Variants in TRPV3 observed in about 807,000 individuals in gnomAD.
The protein encoded by TRPV3 is VRL-3.
A neutral mutation model predicts 87.1 loss-of-function variants in TRPV3; 88 were observed. The ratio of observed to expected loss-of-function variants is 1.01; its 90% CI spans 0.85 to 1.21. TRPV3 has a LOEUF of 1.21. TRPV3 is among the 50% of genes most tolerant of loss of function. The probability of loss-of-function intolerance (pLI) is 0.00; values close to 1 mark genes in which losing one functional copy is unlikely to be tolerated. For synonymous variants in TRPV3, 438 were observed against 423.3 expected (o/e 1.03, Z -0.43); for missense variants, 1,054 against 1,030.1 (o/e 1.02, Z -0.32).
At chr17:3,551,636 A>T (rs2150807721) in intron 2 of TRPV3, among the ~76,000 whole-genome samples, 1 of 152,068 alleles carries the variant, frequency 6.6e-6, no homozygotes, top group East Asian at 1.9e-4. Context: ...CTGCAAGGCC[A>T]GTGTCTCCAC....
chr17:3,524,129 T>G, intron 13 of TRPV3, 69 bp downstream of exon 13: 1 of 1,579,916 alleles, frequency 6.3e-7, no homozygotes, highest in Non-Finnish European at 8.6e-7. Flanking sequence ...CCTCTCCAGA[T>G]CTCAGTTTCC....
rs1471413948 is a variant in TRPV3 at position 3,528,473 on chromosome 17, A to C, written c.1402-347T>G. On this transcript the variant is annotated intron_variant, in intron 10 of 17. Transcript: ENST00000576742. This position sits in a 1 kb window ranked among gnomAD's most constrained non-coding sequence, Gnocchi z 4.2. ...CGAGGCTCTGTGCCCCACGTGACGC[A>C]TGGGAAACCGAAGCCCAGCAGGCAG... 6.6e-6 allele frequency among the ~76,000 whole-genome samples: 1 copy of C among 152,200 alleles called. No homozygotes were observed. The highest frequency in any genetic ancestry group is 1.9e-4 in the East Asian group (1 of 5,200).
At chr17:3,534,096 G>A (rs113209333) in intron 7 of TRPV3, among the ~76,000 whole-genome samples, 8,088 of 151,960 alleles carry the variant, frequency 0.053, 739 homozygotes, top group African/African-American at 0.18. Context: ...CCCTCTCCTC[G>A]CCCCACCCAA....
chr17:3,532,680 C>G lies in TRPV3; in HGVS notation c.1042G>C (p.Ala348Pro), dbSNP rs2074359386. The G allele has an allele frequency of 1.2e-6, 2 of 1,614,082 alleles. No individual in the cohort carries two copies. The highest frequency in any genetic ancestry group is 2.7e-5 in the African/African-American group (2 of 74,950). The change falls in exon 8 of 18, where the codon GCC becomes CCC. Residue 348 changes from alanine (A) to proline (P), a missense_variant. By Grantham distance (27) the Ala-to-Pro change is conservative. Transcript: ENST00000576742. ...ACCTCCGCCTTGCCCATCTTGGCGG[C>G]CAGCTGCAGCGGCGTGAGGCCATCG... ...NNDGLTPLQL[A>P]AKMGKAEILK... is the part of the protein sequence containing the mutation.
At chr17:3,542,868 G>A (rs1052500414) in intron 5 of TRPV3, among the ~76,000 whole-genome samples, 170 bp from the exon 6 acceptor site, 15 of 151,834 alleles carry the variant, frequency 9.9e-5, no homozygotes, top group African/African-American at 2.9e-4. Context: ...TTTCTCCTCC[G>A]TCTCCTATGC....
At position 3,557,245 on chromosome 17, in the gene TRPV3, A is replaced by C. The variant is rs2074641300; in HGVS notation, c.-3+431T>G. Among the ~76,000 whole-genome samples the C allele has an allele frequency of 6.6e-6, 1 of 152,056 alleles. No homozygotes were observed. The highest frequency in any genetic ancestry group is 1.5e-5 in the Non-Finnish European group (1 of 67,980). On this transcript the variant is annotated intron_variant, in intron 1 of 17. Coordinates refer to ENST00000576742, the MANE Select transcript of TRPV3 (RefSeq NM_145068.4). The surrounding 1 kb of genome is among the most constrained non-coding windows in gnomAD (Gnocchi z 4.5). ...GCCGCGGAGCCACAGCTGCTGACTCAGCACCTGTGAGATGCCTGGGCCCCG... is the reference window on the plus strand; with the variant it reads ...GCCGCGGAGCCACAGCTGCTGACTCCGCACCTGTGAGATGCCTGGGCCCCG...
At chr17:3,516,394 CCA>C in intron 16 of TRPV3, 61 bp downstream of exon 16, 2 of 1,268,598 alleles carry the variant, frequency 1.6e-6, no homozygotes, top group African/African-American at 1.5e-5. Flanking sequence ...CATCCTGTCA[CCA>C]TCCTGCCCCT....
chr17:3,549,776 C>T (rs1408197468), intron 2 of TRPV3, among the ~76,000 whole-genome samples: 13 of 133,210 alleles, frequency 9.8e-5, no homozygotes, highest in South Asian at 2.5e-4. Context: ...ATAGATGATG[C>T]GTAGATGAGT....
At position 3,530,446 on chromosome 17, in the gene TRPV3, C is replaced by G. The variant is rs531796902; in HGVS notation, c.1066-243G>C. Among the ~76,000 whole-genome samples, 15 of 152,082 alleles carry G rather than the reference C, an allele frequency of 9.9e-5. No individual in the cohort carries two copies. Among genetic ancestry groups the G allele is most frequent in the Middle Eastern group, 3.4e-3 (1 of 294 alleles). ...ACCAGGGACAAAGGGTGTGAAGGTTCTTCGCAGGCTGCAGCAAGCTGCACA... is the reference window on the plus strand; with the variant it reads ...ACCAGGGACAAAGGGTGTGAAGGTTGTTCGCAGGCTGCAGCAAGCTGCACA... On this transcript the variant is annotated intron_variant, in intron 8 of 17. Transcript: ENST00000576742. This position sits in a 1 kb window ranked among gnomAD's most constrained non-coding sequence, Gnocchi z 4.0.
chr17:3,531,810 C>A (rs939129741), intron 8 of TRPV3, among the ~76,000 whole-genome samples: 1 of 152,216 alleles, frequency 6.6e-6, no homozygotes, highest in African/African-American at 2.4e-5. Flanking sequence ...CCTCCTCCCC[C>A]ACGGGAGAAT....
chr17:3,517,745 T>A (rs1455408409), intron 15 of TRPV3, among the ~76,000 whole-genome samples: 4 of 150,990 alleles, frequency 2.6e-5, no homozygotes, highest in Non-Finnish European at 4.4e-5. Context: ...AGGGATCTGC[T>A]CCCTCTTTCA....
intron 13 of TRPV3, among the ~76,000 whole-genome samples, chr17:3,521,827 A>G (rs1457971034): frequency 2.6e-5 from 4 of 152,152 alleles, no homozygotes; most frequent in Admixed American, 2.0e-4. Context: ...TGTAATCCCA[A>G]CACTTTGAGA....
rs776945814 is a variant in TRPV3, at chr17:3,528,177, C to T, written c.1402-51G>A. On this transcript the variant is annotated intron_variant, in intron 10 of 17. Transcript: ENST00000576742. This position sits in a 1 kb window ranked among gnomAD's most constrained non-coding sequence, Gnocchi z 4.2. The stretch of plus-strand genomic sequence containing the variant: ...AGTATAGGAAGCAAGGAGGACAGGG[C>T]TGGCACCAACTCTAGAGGGACCAAA... The T allele has an allele frequency of 6.9e-7, 1 of 1,447,626 alleles. No homozygotes were observed. The highest frequency in any genetic ancestry group is 1.3e-5 in the South Asian group (1 of 79,968). The allele number at this position is 1,447,626 out of a possible 1,614,324, so 89.7% of individuals were successfully genotyped here. A position where few individuals can be genotyped will look rare whatever the true frequency, so the allele number is the denominator to read the frequency against.
chr17:3,529,955 C>T (rs1346275313), intron 9 of TRPV3, 72 bp downstream of exon 9: 5 of 1,513,922 alleles, frequency 3.3e-6, no homozygotes, highest in African/African-American at 2.8e-5. Flanking sequence ...GTCTTCCCAG[C>T]GTCCTCTCAG....
In TRPV3 at chr17:3,530,543, G is replaced by C. The variant is rs1415854914; in HGVS notation, c.1066-340C>G. ...AAATCCAGGCACTGATGATTTTTTA[G>C]AAACAGTTTCCATTTGCTCTGGACT... On this transcript the variant is annotated intron_variant, in intron 8 of 17. Transcript: ENST00000576742. The surrounding 1 kb of genome is among the most constrained non-coding windows in gnomAD (Gnocchi z 4.0). 6.6e-6 allele frequency among the ~76,000 whole-genome samples: 1 copy of C among 152,200 alleles called. No individual in the cohort carries two copies. The highest frequency in any genetic ancestry group is 1.5e-5 in the Non-Finnish European group (1 of 68,030).
chr17:3,516,816 C>G (rs565138898), intron 15 of TRPV3, among the ~76,000 whole-genome samples: 1 of 152,284 alleles, frequency 6.6e-6, no homozygotes, highest in East Asian at 1.9e-4. Flanking sequence ...TGAGACCAGC[C>G]TGGCCAACAT....
At chr17:3,519,560 C>CGATG (rs1337098739) in intron 14 of TRPV3, among the ~76,000 whole-genome samples, 2 of 76,356 alleles carry the variant, frequency 2.6e-5, no homozygotes, top group South Asian at 4.5e-4. Flanking sequence ...ACCAATTGAT[C>CGATG]GATGGATGGA....
chr17:3,541,472 A>G (rs1212231505), intron 6 of TRPV3, among the ~76,000 whole-genome samples: 3 of 152,198 alleles, frequency 2.0e-5, no homozygotes, highest in Non-Finnish European at 4.4e-5. Flanking sequence ...AGCACCTCAT[A>G]AGACCGTAAA....
intron 6 of TRPV3, among the ~76,000 whole-genome samples, chr17:3,539,964 A>G (rs1037880701): frequency 3.3e-5 from 5 of 151,502 alleles, no homozygotes; most frequent in Non-Finnish European, 5.9e-5. Flanking sequence ...AGTCCCAGCT[A>G]CTTGGGATGC....
Sources: allele counts gnomAD v4.1 joint callset (sites outside exome capture counted in the v4.1 genomes callset), GRCh38; gene constraint gnomAD v4.1.1; non-coding constraint Gnocchi (gnomAD v3.1); transcripts MANE v1.5; gene names NCBI Gene and HGNC (gene_info 2026-07-23, HGNC 2026-07-21).